The following XRN2 variants were observed in gnomAD, a reference collection of about 807,000 sequenced individuals.
The protein encoded by XRN2 is DHM1-like protein.
Under a neutral mutation model 138.5 loss-of-function variants are expected in XRN2, and 44 were observed. The ratio of observed to expected loss-of-function variants is 0.32; its 90% confidence interval spans 0.25 to 0.41. XRN2 has a LOEUF of 0.41. XRN2 is among the 10% of genes least tolerant of loss of function. The pLI, the probability that XRN2 is intolerant of heterozygous loss-of-function variation, is 1.00. For synonymous variants in XRN2, 354 were observed against 369.4 expected, an observed-to-expected ratio of 0.96 and a Z score of 0.48; for missense variants, 937 against 1,169.3, an observed-to-expected ratio of 0.80 and a Z score of 2.90.
rs1568584851 is a variant in XRN2, at chr20:21,349,361, T to C, written c.1864-28T>C. The C allele has an allele frequency of 4.1e-6, 6 of 1,448,454 alleles. No homozygotes were observed. The South Asian group carries it at 7.0e-5, about 17-fold the overall frequency. 89.7% of individuals were successfully genotyped at this position (1,448,454 alleles called of 1,614,324 possible). On this transcript the variant is annotated intron_variant, in intron 19 of 29. Transcript: ENST00000377191. ...TAACAGAGATGTGTGACTTCTGTTT[T>C]GATTCTTTACTTTTCTCCCTAATAT...
chr20:21,316,547 C>T (rs1268451885), intron 1 of XRN2, among the ~76,000 whole-genome samples: 5 of 152,004 alleles, frequency 3.3e-5, no homozygotes, highest in East Asian at 1.9e-4. Flanking sequence ...GAAGACTGTT[C>T]TTTTCCCCAT....
intron 20 of XRN2, among the ~76,000 whole-genome samples, chr20:21,350,525 CAAAAAAAAAAAAAA>C (rs11484426): frequency 2.2e-4 from 13 of 58,946 alleles, no homozygotes; most frequent in African/African-American, 6.9e-4. Context: ...GACTCCGTCT[CAAAAAAAAAAAAAA>C]AAAAAAAAAA....
At chr20:21,382,079 A>C in intron 28 of XRN2, 22 bp downstream of exon 28, 1 of 1,582,736 alleles carries the variant, frequency 6.3e-7, no homozygotes, top group South Asian at 1.2e-5. Context: ...AGTAGACATG[A>C]CTTTTAAATA....
intron 4 of XRN2, 137 bp downstream of exon 4, chr20:21,328,807 G>T: frequency 1.3e-6 from 1 of 747,532 alleles, no homozygotes; most frequent in Non-Finnish European, 2.2e-6. Flanking sequence ...TCACTGTTGA[G>T]GAAAAGTAGT....
At chr20:21,366,275 C>T (rs969143499) in intron 26 of XRN2, among the ~76,000 whole-genome samples, 4 of 142,318 alleles carry the variant, frequency 2.8e-5, no homozygotes, top group East Asian at 4.1e-4. Flanking sequence ...GGGCCGGGCA[C>T]GGTGGCTCGC....
intron 6 of XRN2, among the ~76,000 whole-genome samples, chr20:21,331,120 G>A (rs1307168468): frequency 6.6e-6 from 1 of 152,086 alleles, no homozygotes; most frequent in Non-Finnish European, 1.5e-5. Context: ...AGGTTCATAA[G>A]CTGGCTTCCC....
chr20:21,382,711 A>T (rs2038898533), intron 28 of XRN2, among the ~76,000 whole-genome samples: 1 of 152,202 alleles, frequency 6.6e-6, no homozygotes, highest in Admixed American at 6.5e-5. Context: ...ATAACAAGGG[A>T]TGTTTAACAT....
At chr20:21,350,331 C>T (rs920853716) in intron 20 of XRN2, among the ~76,000 whole-genome samples, 2 of 151,914 alleles carry the variant, frequency 1.3e-5, no homozygotes, top group African/African-American at 2.4e-5. Context: ...TCGAGACCAT[C>T]CTGGCTAACA....
Position 21,306,316 on chromosome 20 carries a change from G to A in XRN2, c.75+2843G>A, listed in dbSNP as rs954698490. On this transcript the variant is annotated intron_variant, in intron 1 of 29. Coordinates refer to ENST00000377191, the MANE Select transcript of XRN2 (RefSeq NM_012255.5). ...CGCCCGGCTAATTTTTGTAGTTTTA[G>A]TAGAGACGGAGTTTCACCATGTTGG... Among the ~76,000 whole-genome samples, 10 of 74,124 alleles carry A rather than the reference G, an allele frequency of 1.3e-4. 5 individuals carry two copies. The Admixed American group carries it at 1.6e-3, about 12-fold the overall frequency. The allele number at this position is 74,124 out of a possible 152,430, so 48.6% of individuals were successfully genotyped here. A position where few individuals can be genotyped will look rare whatever the true frequency, so the allele number is the denominator to read the frequency against.
intron 1 of XRN2, chr20:21,303,748 G>A: frequency 3.3e-6 from 4 of 1,200,900 alleles, no homozygotes; most frequent in South Asian, 3.0e-5. Flanking sequence ...GCTTTTTCCC[G>A]GCACCGGAAG....
At chr20:21,330,261 G>A (rs2038188543) in intron 4 of XRN2, among the ~76,000 whole-genome samples, 1 of 152,150 alleles carries the variant, frequency 6.6e-6, no homozygotes, top group Non-Finnish European at 1.5e-5. Flanking sequence ...TCCAGCCTGG[G>A]TGACAGAATG....
intron 1 of XRN2, chr20:21,303,696 A>G (rs933728817): frequency 1.7e-5 from 22 of 1,282,960 alleles, no homozygotes; most frequent in African/African-American, 9.4e-5. Context: ...GCAAGGGCCT[A>G]TAGGGTTCCG....
intron 27 of XRN2, among the ~76,000 whole-genome samples, chr20:21,377,790 G>C (rs751693889): frequency 6.6e-5 from 10 of 152,182 alleles, no homozygotes; most frequent in Non-Finnish European, 1.2e-4. Flanking sequence ...GGACGGGATT[G>C]TAGAGTGAAT....
At chr20:21,387,417 A>ATGT (rs1186717849) in intron 29 of XRN2, among the ~76,000 whole-genome samples, 1 of 152,200 alleles carries the variant, frequency 6.6e-6, no homozygotes, top group Non-Finnish European at 1.5e-5. Context: ...TCATTTTACA[A>ATGT]TGTTGTCATT....
chr20:21,386,730 T>C, intron 28 of XRN2, 138 bp from the exon 29 acceptor site: 1 of 1,059,656 alleles, frequency 9.4e-7, no homozygotes, highest in Non-Finnish European at 1.3e-6. Context: ...ACAAAGGCCA[T>C]TCTGATACTC....
At chr20:21,333,449 G>A in intron 9 of XRN2, 95 bp from the exon 10 acceptor site, 1 of 1,226,480 alleles carries the variant, frequency 8.2e-7, no homozygotes, top group South Asian at 1.2e-5. Context: ...TATTAAAATG[G>A]ATTGTGCGTT....
At chr20:21,377,288 T>C (rs1322707608) in intron 27 of XRN2, among the ~76,000 whole-genome samples, 4 of 148,732 alleles carry the variant, frequency 2.7e-5, no homozygotes, top group Non-Finnish European at 5.9e-5. Context: ...TGGTCAGTCT[T>C]GCTTTGCCAC....
intron 13 of XRN2, among the ~76,000 whole-genome samples, chr20:21,335,129 G>A (rs1179319085): frequency 6.6e-6 from 1 of 152,168 alleles, no homozygotes; most frequent in Non-Finnish European, 1.5e-5. Context: ...ATGCTCAAGG[G>A]GTCACAGTGA....
chr20:21,357,835 C>T (rs771525294), intron 24 of XRN2, 43 bp downstream of exon 24: 1 of 1,527,164 alleles, frequency 6.5e-7, no homozygotes, highest in Non-Finnish European at 8.9e-7. Flanking sequence ...GAACACAGCT[C>T]TGAACTTGCA....
Sources: gnomAD v4.1 joint callset for allele counts (sites outside exome capture counted in the v4.1 genomes callset) on GRCh38, gnomAD v4.1.1 for gene constraint, MANE v1.5 for transcripts, NCBI Gene and HGNC (gene_info 2026-07-23, HGNC 2026-07-21) for gene names.